SHOC2: variants seen among roughly 807,000 people sequenced by gnomAD.
The protein encoded by SHOC2 is SHOC2 leucine rich repeat scaffold protein.
Under a neutral mutation model 50.2 loss-of-function variants are expected in SHOC2, and 4 were observed. That is an observed-to-expected ratio of 0.08 (90% CI 0.04 to 0.18). The LOEUF (loss-of-function observed/expected upper bound fraction) is 0.18. Ranked by LOEUF, SHOC2 falls within the 10% of genes least tolerant of loss-of-function variation. SHOC2 has a pLI of 1.00. For synonymous variants in SHOC2, 218 were observed against 244.5 expected (o/e 0.89, Z 1.01); for missense variants, 388 against 669.6 (o/e 0.58, Z 4.64).
intron 2 of SHOC2, among the ~76,000 whole-genome samples, chr10:110,983,668 G>A (rs1411781961): frequency 6.6e-6 from 1 of 152,082 alleles, no homozygotes; most frequent in African/African-American, 2.4e-5. Flanking sequence ...TGAACAATAA[G>A]TCCTCATTCC....
At chr10:110,937,678 A>T (rs1435519997) in intron 1 of SHOC2, among the ~76,000 whole-genome samples, 3 of 152,200 alleles carry the variant, frequency 2.0e-5, no homozygotes, top group African/African-American at 7.2e-5. Flanking sequence ...ACTTTAAGGG[A>T]TAAAGTATGG....
At chr10:110,952,055 G>A (rs1847363944) in intron 1 of SHOC2, among the ~76,000 whole-genome samples, 1 of 152,166 alleles carries the variant, frequency 6.6e-6, no homozygotes, top group African/African-American at 2.4e-5. Flanking sequence ...GATTGTTACA[G>A]ACAATGAAAC....
chr10:110,945,531 G>A (rs377718564), intron 1 of SHOC2, among the ~76,000 whole-genome samples: 64 of 152,306 alleles, frequency 4.2e-4, no homozygotes, highest in African/African-American at 1.5e-3. Context: ...TTCTGATAAA[G>A]TTGATTCTAT....
intron 4 of SHOC2, among the ~76,000 whole-genome samples, chr10:111,001,122 A>G (rs1180400088): frequency 2.3e-4 from 28 of 122,280 alleles, no homozygotes; most frequent in Admixed American, 5.7e-4. Context: ...ATTTTCACTT[A>G]TTTTGCTTAG....
chr10:110,940,929 T>G (rs1412513703), intron 1 of SHOC2, among the ~76,000 whole-genome samples: 10,283 of 26,262 alleles, frequency 0.39, 1,393 homozygotes, highest in East Asian at 0.59. Flanking sequence ...TTTTTTTTTT[T>G]TTTTTTTTTT....
chr10:110,935,013 C>T (rs1421908185), intron 1 of SHOC2, among the ~76,000 whole-genome samples: 1 of 152,162 alleles, frequency 6.6e-6, no homozygotes, highest in African/African-American at 2.4e-5. Context: ...ATATTTTATA[C>T]ATATATGTAT....
rs758620827 is a variant in SHOC2, at chr10:111,004,731, A to C, written c.1098A>C (p.Arg366=). The part of the protein sequence containing the change: ...TIYSLNMEHN[R]INKIPFGIFS... ...ATTCCCTCAACATGGAACACAATCG[A>C]ATCAACAAAATTCCATTTGGAATTT... is the stretch of plus-strand genomic sequence containing the variant. The change falls in exon 5 of 9, where the codon CGA becomes CGC. Residue 366 remains arginine, a synonymous_variant. Coordinates refer to ENST00000369452, the MANE Select transcript of SHOC2 (RefSeq NM_007373.4). The C allele has an allele frequency of 7.3e-5, 118 of 1,613,690 alleles. No homozygotes were observed. Among genetic ancestry groups the C allele is most frequent in the Non-Finnish European group, 8.7e-5 (103 of 1,179,746 alleles).
intron 5 of SHOC2, among the ~76,000 whole-genome samples, chr10:111,007,077 T>C (rs1848483064): frequency 1.3e-5 from 2 of 152,206 alleles, no homozygotes; most frequent in African/African-American, 4.8e-5. Context: ...CTCCCCTACT[T>C]TACTGCTCAG....
intron 1 of SHOC2, among the ~76,000 whole-genome samples, chr10:110,938,276 A>AT (rs1013124185): frequency 2.0e-5 from 3 of 152,006 alleles, no homozygotes; most frequent in Non-Finnish European, 2.9e-5. Flanking sequence ...GAAGCTAAGT[A>AT]TTTTTTCCAC....
At chr10:110,919,503 G>A (rs1173592858), upstream of SHOC2, 1 of 390,310 alleles carries the variant, frequency 2.6e-6, no homozygotes, top group Non-Finnish European at 4.5e-6. Context: ...GGGGCGGGGA[G>A]GCTGGAGCGA....
At chr10:110,983,292 A>G (rs1055030854) in intron 2 of SHOC2, among the ~76,000 whole-genome samples, 1 of 151,966 alleles carries the variant, frequency 6.6e-6, no homozygotes, top group African/African-American at 2.4e-5. Flanking sequence ...TTATATTTAC[A>G]TTATTCTCTT....
At chr10:110,951,967 C>T (rs116263900) in intron 1 of SHOC2, among the ~76,000 whole-genome samples, 2,954 of 152,196 alleles carry the variant, frequency 0.019, 82 homozygotes, top group African/African-American at 0.068. Context: ...CTAATAATGT[C>T]TTTTCAATTG....
intron 1 of SHOC2, among the ~76,000 whole-genome samples, chr10:110,948,322 A>G (rs190123005): frequency 8.3e-4 from 126 of 152,358 alleles, no homozygotes; most frequent in Middle Eastern, 3.4e-3. Context: ...CTTTAGCAAT[A>G]GATAGATTAG....
chr10:110,953,950 GTTTAT>G (rs1337162611), intron 1 of SHOC2, among the ~76,000 whole-genome samples: 10 of 150,634 alleles, frequency 6.6e-5, no homozygotes, highest in Non-Finnish European at 1.2e-4. Context: ...ATCTATCTTG[GTTTAT>G]TTTATTTTCT....
At chr10:110,957,789 A>C (rs1487996844) in intron 1 of SHOC2, among the ~76,000 whole-genome samples, 1 of 152,188 alleles carries the variant, frequency 6.6e-6, no homozygotes, top group Non-Finnish European at 1.5e-5. Context: ...TAATGATATC[A>C]AAATTTATCA....
chr10:110,972,591 G>T (rs536694625), intron 2 of SHOC2, among the ~76,000 whole-genome samples: 1 of 152,206 alleles, frequency 6.6e-6, no homozygotes, highest in South Asian at 2.1e-4. Context: ...CAACAACACA[G>T]AATAGCACTT....
chr10:110,957,845 C>T (rs967066317), intron 1 of SHOC2, among the ~76,000 whole-genome samples: 6 of 152,174 alleles, frequency 3.9e-5, no homozygotes, highest in African/African-American at 1.4e-4. Flanking sequence ...TCATACATTC[C>T]TTTTACTTCT....
chr10:110,988,120 C>A (rs905609702), intron 3 of SHOC2, among the ~76,000 whole-genome samples: 2 of 152,042 alleles, frequency 1.3e-5, no homozygotes, highest in Non-Finnish European at 2.9e-5. Context: ...TAAAAAGTTA[C>A]ATTCTGGTGG....
chr10:111,011,210 A>C (rs1409078864), intron 8 of SHOC2, among the ~76,000 whole-genome samples: 1 of 152,358 alleles, frequency 6.6e-6, no homozygotes, highest in South Asian at 2.1e-4. Context: ...AAAAGTGGTT[A>C]TAGACATTGA....
Sources: gnomAD v4.1 joint callset for allele counts (sites outside exome capture counted in the v4.1 genomes callset) on GRCh38, gnomAD v4.1.1 for gene constraint, MANE v1.5 for transcripts, NCBI Gene and HGNC (gene_info 2026-07-23, HGNC 2026-07-21) for gene names.